Variants in CNTNAP4 observed in about 807,000 individuals in gnomAD.
CNTNAP4 encodes contactin associated protein family member 4.
A neutral mutation model predicts 148.4 loss-of-function variants in CNTNAP4; 98 were observed. The observed-to-expected ratio is 0.66, with a 90% confidence interval of 0.56 to 0.78. The LOEUF (loss-of-function observed/expected upper bound fraction) is 0.78, where lower values mean the gene tolerates loss of function less well. Ranked by LOEUF, CNTNAP4 falls within the 30% of genes least tolerant of loss-of-function variation. The probability of loss-of-function intolerance (pLI) is 0.00; values close to 1 mark genes in which losing one functional copy is unlikely to be tolerated. For synonymous variants in CNTNAP4, 730 were observed against 565.1 expected, an observed-to-expected ratio of 1.29 and a Z score of -4.14; for missense variants, 1,935 against 1,565.6, an observed-to-expected ratio of 1.24 and a Z score of -3.98.
intron 3 of CNTNAP4, among the ~76,000 whole-genome samples, chr16:76,398,682 G>A (rs761417307): frequency 5.8e-4 from 89 of 152,164 alleles, no homozygotes; most frequent in Non-Finnish European, 1.0e-3. Context: ...CCATCAATAC[G>A]TGAGTTCCTA....
rs368271983 is a variant in CNTNAP4 at position 76,541,328 on chromosome 16, A to C, written c.3442+538A>C. 3.9e-5 allele frequency among the ~76,000 whole-genome samples: 6 copies of C among 152,202 alleles called. No individual in the cohort carries two copies. In the South Asian group the frequency reaches 1.2e-3, roughly 32 times the overall value. ...TTATAATGCTTATTTATTTCCATCA[A>C]TTACCTTTAATTACAGCACTGGAGT... On this transcript the variant is annotated intron_variant, in intron 21 of 23. Coordinates refer to ENST00000611870, the MANE Select transcript of CNTNAP4 (RefSeq NM_033401.5).
At chr16:76,370,773 T>G (rs2014718382) in intron 3 of CNTNAP4, among the ~76,000 whole-genome samples, 1 of 152,218 alleles carries the variant, frequency 6.6e-6, no homozygotes. Context: ...ACTGAGTGAT[T>G]CCTCATTCCC....
intron 2 of CNTNAP4, among the ~76,000 whole-genome samples, chr16:76,345,233 C>G (rs1964805603): frequency 6.6e-6 from 1 of 152,134 alleles, no homozygotes; most frequent in African/African-American, 2.4e-5. Flanking sequence ...GGAAGAATTC[C>G]TCTGGCTAGC....
chr16:76,447,431 G>A (rs1259551864), intron 4 of CNTNAP4, among the ~76,000 whole-genome samples: 1 of 151,682 alleles, frequency 6.6e-6, no homozygotes, highest in African/African-American at 2.4e-5. Context: ...AAACAGGTTA[G>A]TAAAGACTAA....
At chr16:76,468,192 T>G (rs926560578) in intron 10 of CNTNAP4, among the ~76,000 whole-genome samples, 6 of 152,074 alleles carry the variant, frequency 3.9e-5, no homozygotes, top group Admixed American at 3.9e-4. Context: ...TATATATTTT[T>G]GGCTGGCGCA....
At position 76,467,470 on chromosome 16, in the gene CNTNAP4, G is replaced by T. The variant is rs2081216030; in HGVS notation, c.1602G>T (p.Gly534=). 3 of 1,613,824 alleles carry T rather than the reference G, an allele frequency of 1.9e-6. No individual in the cohort carries two copies. The highest frequency in any genetic ancestry group is 1.3e-5 in the African/African-American group (1 of 74,980). Residue 534 remains glycine (G), a synonymous_variant, in exon 10 of 24, where the codon GGG becomes GGT. Coordinates refer to ENST00000611870, the MANE Select transcript of CNTNAP4 (RefSeq NM_033401.5). The part of the protein sequence containing the change: ...KVVDLISVQQ[G]SLGNFSDLQI... ...TAGATCTGATTTCAGTTCAGCAGGG[G>T]TCCCTTGGGAACTTCAGTGACCTTC...
At chr16:76,465,773 CA>C (rs2081156209) in intron 9 of CNTNAP4, among the ~76,000 whole-genome samples, 1 of 152,056 alleles carries the variant, frequency 6.6e-6, no homozygotes, top group Non-Finnish European at 1.5e-5. Flanking sequence ...AATTAACACT[CA>C]AAAAGCTTTG....
intron 3 of CNTNAP4, among the ~76,000 whole-genome samples, chr16:76,408,642 C>T (rs147579349): frequency 2.6e-4 from 39 of 152,036 alleles, no homozygotes; most frequent in Admixed American, 1.5e-3. Flanking sequence ...ATTCTATTTT[C>T]TTAAAATAGA....
intron 1 of CNTNAP4, among the ~76,000 whole-genome samples, chr16:76,312,726 C>T (rs1009781747): frequency 1.6e-4 from 24 of 152,026 alleles, no homozygotes; most frequent in Admixed American, 3.9e-4. Flanking sequence ...GATTCTGGAC[C>T]GCAACTCACG....
At chr16:76,448,602 ATAT>A (rs2080337623) in intron 5 of CNTNAP4, among the ~76,000 whole-genome samples, 162 bp from the exon 6 acceptor site, 1 of 152,218 alleles carries the variant, frequency 6.6e-6, no homozygotes, top group Admixed American at 6.5e-5. Flanking sequence ...CAAGGTTGAG[ATAT>A]TATTATATTG....
intron 3 of CNTNAP4, among the ~76,000 whole-genome samples, chr16:76,410,265 G>A (rs1395486): frequency 0.78 from 118,519 of 151,540 alleles, 47,032 homozygotes; most frequent in Non-Finnish European, 0.86. Flanking sequence ...TACAAAGATT[G>A]AGAAGATTTT....
At chr16:76,425,183 C>G (rs1324284831) in intron 3 of CNTNAP4, among the ~76,000 whole-genome samples, 1 of 152,088 alleles carries the variant, frequency 6.6e-6, no homozygotes, top group Admixed American at 6.6e-5. Flanking sequence ...GAAATTTGTT[C>G]TGCAAAACAA....
chr16:76,503,083 C>G (rs1277328086), intron 15 of CNTNAP4, among the ~76,000 whole-genome samples: 3 of 152,036 alleles, frequency 2.0e-5, no homozygotes, highest in African/African-American at 7.2e-5. Context: ...AATCAACTAG[C>G]AAACTAGGAA....
chr16:76,527,279 G>T (rs193109821), intron 17 of CNTNAP4, among the ~76,000 whole-genome samples: 3 of 152,076 alleles, frequency 2.0e-5, no homozygotes, highest in Non-Finnish European at 2.9e-5. Context: ...CCATTCCCTC[G>T]CATATTAATA....
intron 4 of CNTNAP4, among the ~76,000 whole-genome samples, chr16:76,430,495 C>G (rs2079567739): frequency 6.6e-6 from 1 of 152,128 alleles, no homozygotes; most frequent in Non-Finnish European, 1.5e-5. Flanking sequence ...TGGATTTTCC[C>G]CAGACACAAA....
intron 7 of CNTNAP4, among the ~76,000 whole-genome samples, chr16:76,451,957 T>C (rs2080501026): frequency 6.6e-6 from 1 of 152,162 alleles, no homozygotes; most frequent in Non-Finnish European, 1.5e-5. Context: ...ATTTGCTCAT[T>C]ACGTATTATA....
intron 3 of CNTNAP4, among the ~76,000 whole-genome samples, chr16:76,390,681 T>C (rs1473916494): frequency 6.6e-6 from 1 of 152,208 alleles, no homozygotes; most frequent in East Asian, 1.9e-4. Flanking sequence ...GGTAGCTTAC[T>C]CACCAAGGTT....
At chr16:76,354,029 A>G (rs562682700) in intron 2 of CNTNAP4, among the ~76,000 whole-genome samples, 1 of 152,332 alleles carries the variant, frequency 6.6e-6, no homozygotes, top group South Asian at 2.1e-4. Context: ...GGTAATCTGT[A>G]TCTAAAATTC....
chr16:76,416,668 G>A (rs2078995216), intron 3 of CNTNAP4, among the ~76,000 whole-genome samples: 1 of 151,416 alleles, frequency 6.6e-6, no homozygotes, highest in Non-Finnish European at 1.5e-5. Flanking sequence ...AATACATGGT[G>A]AATGTTCCAT....
Sources: gnomAD v4.1 joint callset for allele counts (sites outside exome capture counted in the v4.1 genomes callset) on GRCh38, gnomAD v4.1.1 for gene constraint, MANE v1.5 for transcripts, NCBI Gene and HGNC (gene_info 2026-07-23, HGNC 2026-07-21) for gene names.